Variants in WWOX observed in about 807,000 individuals in gnomAD.
WWOX encodes WW domain-containing oxidoreductase.
Under a neutral mutation model 46.2 loss-of-function variants are expected in WWOX, and 69 were observed. The ratio of observed to expected loss-of-function variants is 1.49; its 90% CI spans 1.23 to 1.82. The LOEUF (loss-of-function observed/expected upper bound fraction) is 1.82, where lower values mean the gene tolerates loss of function less well. Among genes scored for constraint, WWOX ranks in the 40% most tolerant of loss-of-function variants. WWOX has a pLI of 0.00. For synonymous variants in WWOX, 359 were observed against 202.6 expected (o/e 1.77, Z -6.56); for missense variants, 919 against 542.6 (o/e 1.69, Z -6.89).
intron 8 of WWOX, among the ~76,000 whole-genome samples, chr16:78,466,040 T>G (rs1225946402): frequency 5.6e-5 from 4 of 71,118 alleles, no homozygotes; most frequent in Admixed American, 2.2e-4. Context: ...TGGTTTTTTG[T>G]TTTTTTTTTG....
intron 8 of WWOX, among the ~76,000 whole-genome samples, chr16:79,176,157 T>C (rs1022545418): frequency 2.0e-5 from 3 of 152,150 alleles, no homozygotes; most frequent in Non-Finnish European, 4.4e-5. Flanking sequence ...CAGTAAGAAA[T>C]AGCCCCCAAA....
intron 8 of WWOX, among the ~76,000 whole-genome samples, chr16:78,812,809 C>A (rs977461593): frequency 3.9e-5 from 6 of 152,112 alleles, no homozygotes; most frequent in African/African-American, 7.2e-5. Flanking sequence ...AAACTAAAGA[C>A]CCCATGTTTG....
chr16:79,034,296 A>G (rs567368143), intron 8 of WWOX, among the ~76,000 whole-genome samples: 1 of 152,368 alleles, frequency 6.6e-6, no homozygotes, highest in South Asian at 2.1e-4. Context: ...AAGCACCATT[A>G]TTAGTAATGT....
chr16:78,308,991 C>T (rs2080183892), intron 5 of WWOX, among the ~76,000 whole-genome samples: 1 of 152,228 alleles, frequency 6.6e-6, no homozygotes, highest in Middle Eastern at 3.4e-3. Context: ...TGCTTGAATC[C>T]ATGTGATATG....
intron 8 of WWOX, among the ~76,000 whole-genome samples, chr16:78,595,798 A>T (rs1302802872): frequency 1.3e-5 from 2 of 152,250 alleles, no homozygotes; most frequent in Non-Finnish European, 2.9e-5. Context: ...TGATGAGAAG[A>T]TTCAAAACCC....
intron 8 of WWOX, among the ~76,000 whole-genome samples, chr16:78,554,590 TGTACACACACAG>T (rs1440767977): frequency 1.3e-5 from 2 of 152,216 alleles, no homozygotes; most frequent in South Asian, 2.1e-4. Flanking sequence ...TATACGTGGG[TGTACACACACAG>T]GTACACACAA....
At chr16:79,024,399 C>T (rs1295181342) in intron 8 of WWOX, among the ~76,000 whole-genome samples, 1 of 152,108 alleles carries the variant, frequency 6.6e-6, no homozygotes, top group African/African-American at 2.4e-5. Flanking sequence ...GCTGAGACTA[C>T]AGGTGCGTGC....
intron 8 of WWOX, among the ~76,000 whole-genome samples, chr16:78,615,952 G>C (rs377597968): frequency 1.3e-5 from 2 of 152,020 alleles, no homozygotes; most frequent in East Asian, 3.9e-4. Context: ...GGGTTTCACT[G>C]TGTTAGCCAG....
At chr16:78,118,121 G>A (rs193293336) in intron 4 of WWOX, among the ~76,000 whole-genome samples, 1 of 151,568 alleles carries the variant, frequency 6.6e-6, no homozygotes, top group African/African-American at 2.4e-5. Flanking sequence ...GATAAAGAAG[G>A]GGACATCCCT....
At chr16:79,205,166 CT>C (rs1453593947) in intron 8 of WWOX, 1 of 152,300 alleles carries the variant, frequency 6.6e-6, no homozygotes, top group Non-Finnish European at 1.5e-5. Flanking sequence ...ACTCTTCCCC[CT>C]GCATGCGTTT....
At chr16:78,473,170 C>G (rs1297844109) in intron 8 of WWOX, among the ~76,000 whole-genome samples, 1 of 152,178 alleles carries the variant, frequency 6.6e-6, no homozygotes, top group Non-Finnish European at 1.5e-5. Flanking sequence ...CACTCTGTCA[C>G]CCAGGCTAGA....
intron 8 of WWOX, among the ~76,000 whole-genome samples, chr16:79,209,959 A>C (rs797007984): frequency 3.9e-5 from 6 of 152,344 alleles, no homozygotes; most frequent in African/African-American, 1.4e-4. Flanking sequence ...AATCCAGGAT[A>C]ATATCTGGCT....
chr16:78,195,895 C>A (rs926986811), intron 5 of WWOX, among the ~76,000 whole-genome samples: 1 of 151,002 alleles, frequency 6.6e-6, no homozygotes. Context: ...AGATTGAATT[C>A]CGTTCCAACT....
intron 5 of WWOX, among the ~76,000 whole-genome samples, chr16:78,347,615 A>C (rs980779880): frequency 8.3e-6 from 1 of 120,922 alleles, no homozygotes; most frequent in Non-Finnish European, 2.0e-5. Flanking sequence ...CTAATAAATA[A>C]ATGAACTTGT....
At chr16:78,175,886 G>C (rs1200783555) in intron 5 of WWOX, among the ~76,000 whole-genome samples, 1 of 152,164 alleles carries the variant, frequency 6.6e-6, no homozygotes, top group Non-Finnish European at 1.5e-5. Flanking sequence ...GAGTTCTAAG[G>C]ATAAGACATG....
intron 8 of WWOX, among the ~76,000 whole-genome samples, chr16:78,622,574 C>T (rs1043846457): frequency 6.6e-6 from 1 of 151,326 alleles, no homozygotes; most frequent in African/African-American, 2.4e-5. Flanking sequence ...CTTGTAGTTT[C>T]TTCCTCTGTT....
chr16:78,421,978 C>A (rs1338952559), intron 6 of WWOX, among the ~76,000 whole-genome samples: 1 of 152,060 alleles, frequency 6.6e-6, no homozygotes, highest in Non-Finnish European at 1.5e-5. Flanking sequence ...CAACTTTATA[C>A]AAGATAATAC....
At chr16:79,079,177 A>G (rs368800492) in intron 8 of WWOX, among the ~76,000 whole-genome samples, 207 of 152,298 alleles carry the variant, frequency 1.4e-3, no homozygotes, top group African/African-American at 4.2e-3. Context: ...GGCTCCTTCT[A>G]TCTTCTGTCA....
chr16:78,528,378 G>T (rs1025106853), intron 8 of WWOX, among the ~76,000 whole-genome samples: 1 of 151,574 alleles, frequency 6.6e-6, no homozygotes, highest in Middle Eastern at 3.2e-3. Flanking sequence ...AATTAGCAAA[G>T]AATTAACAGC....
Sources: gnomAD v4.1 joint callset for allele counts (sites outside exome capture counted in the v4.1 genomes callset) on GRCh38, gnomAD v4.1.1 for gene constraint, MANE v1.5 for transcripts, NCBI Gene and HGNC (gene_info 2026-07-23, HGNC 2026-07-21) for gene names.